The following TNRC6C variants were observed in gnomAD, a reference collection of about 807,000 sequenced individuals.
TNRC6C encodes trinucleotide repeat-containing gene 6C protein.
TNRC6C carries 20 observed loss-of-function variants against 153.7 expected under a neutral mutation model. That is an observed-to-expected ratio of 0.13 (90% CI 0.09 to 0.19). The LOEUF (loss-of-function observed/expected upper bound fraction) is 0.19, where lower values mean the gene tolerates loss of function less well. Ranked by LOEUF, TNRC6C falls within the 10% of genes least tolerant of loss-of-function variation. The pLI is 1.00. For synonymous variants in TNRC6C, 811 were observed against 841.4 expected (o/e 0.96, Z 0.63); for missense variants, 1,987 against 2,172.0 (o/e 0.91, Z 1.69).
At position 78,079,673 on chromosome 17, in the gene TNRC6C, G is replaced by T; in HGVS notation, c.3357+132G>T. ...ATCCATGTTTAAGAGAAGGCCTTCTGGTTTTTAACCTATAAATTAATTTTA... is the reference window on the plus strand; with the variant it reads ...ATCCATGTTTAAGAGAAGGCCTTCTTGTTTTTAACCTATAAATTAATTTTA... On this transcript the variant is annotated intron_variant, in intron 10 of 19. Transcript: ENST00000301624. The surrounding 1 kb of genome is among the most constrained non-coding windows in gnomAD (Gnocchi z 4.3). 1 of 1,202,588 alleles carries T rather than the reference G, an allele frequency of 8.3e-7. No individual in the cohort carries two copies. Among genetic ancestry groups the T allele is most frequent in the Non-Finnish European group, 1.1e-6 (1 of 878,698 alleles). The allele number at this position is 1,202,588 out of a possible 1,614,324, so 74.5% of individuals were successfully genotyped here.
chr17:77,984,137 T>C (rs576631853), intron 1 of TNRC6C, among the ~76,000 whole-genome samples: 2 of 152,288 alleles, frequency 1.3e-5, no homozygotes, highest in East Asian at 1.9e-4. Context: ...AGATGGGCAC[T>C]GTAGACATTT....
At chr17:78,074,878 G>A (rs72894094) in intron 7 of TNRC6C, among the ~76,000 whole-genome samples, 8,781 of 152,310 alleles carry the variant, frequency 0.058, 288 homozygotes, top group Middle Eastern at 0.088. Context: ...GAGGATAGAG[G>A]GCGGCAGGGC....
chr17:78,025,467 AC>A (rs1400501539), intron 1 of TNRC6C, among the ~76,000 whole-genome samples: 1 of 152,218 alleles, frequency 6.6e-6, no homozygotes, highest in East Asian at 1.9e-4. Flanking sequence ...GTCTGAATGC[AC>A]CAGTTTATCC....
chr17:78,092,354 A>G (rs754475470), intron 14 of TNRC6C, among the ~76,000 whole-genome samples: 1 of 152,172 alleles, frequency 6.6e-6, no homozygotes, highest in Non-Finnish European at 1.5e-5. Flanking sequence ...TTCTGTATGA[A>G]TTTTTAACAT....
At chr17:78,102,439 G>A in intron 17 of TNRC6C, 35 bp from the exon 21 acceptor site, 18 of 1,584,496 alleles carry the variant, frequency 1.1e-5, no homozygotes, top group Non-Finnish European at 1.5e-5. Flanking sequence ...ACTGGCACGG[G>A]GCCTTGTCAA....
intron 11 of TNRC6C, among the ~76,000 whole-genome samples, chr17:78,083,429 T>C (rs2073218023): frequency 6.6e-6 from 1 of 152,246 alleles, no homozygotes. Flanking sequence ...CTGGAACTCC[T>C]GGACTCAAGG....
At chr17:78,078,425 G>A (rs1330790774) in intron 9 of TNRC6C, among the ~76,000 whole-genome samples, 1 of 152,130 alleles carries the variant, frequency 6.6e-6, no homozygotes, top group African/African-American at 2.4e-5. Flanking sequence ...TTAACTACCT[G>A]AATTTGTCAG....
intron 5 of TNRC6C, among the ~76,000 whole-genome samples, chr17:78,069,316 G>A (rs959418096): frequency 6.6e-6 from 1 of 152,110 alleles, no homozygotes; most frequent in Admixed American, 6.5e-5. Flanking sequence ...GGACTCACAG[G>A]AAGGCAGTGC....
chr17:78,075,024 T>C lies in TNRC6C; in HGVS notation c.2918-112T>C. On this transcript the variant is annotated intron_variant, in intron 7 of 19. Coordinates refer to ENST00000301624, the Ensembl canonical transcript of TNRC6C. This position sits in a 1 kb window ranked among gnomAD's most constrained non-coding sequence, Gnocchi z 4.2. ...TCTCTCTGCCCCTGGCTTCCCTGTG[T>C]TTGAAGGGGTGGAGGGTCTCCATCC... The C allele has an allele frequency of 7.4e-7, 1 of 1,358,396 alleles. No individual in the cohort carries two copies. The highest frequency in any genetic ancestry group is 1.0e-6 in the Non-Finnish European group (1 of 999,552). 84.1% of individuals were successfully genotyped at this position (1,358,396 alleles called of 1,614,324 possible).
At chr17:77,971,365 G>T (rs759594072) in intron 1 of TNRC6C, among the ~76,000 whole-genome samples, 1 of 152,114 alleles carries the variant, frequency 6.6e-6, no homozygotes, top group Non-Finnish European at 1.5e-5. Flanking sequence ...CTTCTCTCAT[G>T]ATAAACTTTC....
chr17:77,967,383 T>C (rs573037876), intron 1 of TNRC6C, among the ~76,000 whole-genome samples: 10 of 151,712 alleles, frequency 6.6e-5, no homozygotes, highest in African/African-American at 1.5e-4. Flanking sequence ...TTCAGAGATA[T>C]TGCTTCCACA....
intron 2 of TNRC6C, among the ~76,000 whole-genome samples, chr17:78,039,390 T>C (rs1345696486): frequency 6.7e-6 from 1 of 149,488 alleles, no homozygotes; most frequent in Non-Finnish European, 1.5e-5. Flanking sequence ...GTCACCCACG[T>C]TGGCCTGGGC....
At chr17:78,006,529 T>C (rs1038673533) in intron 1 of TNRC6C, among the ~76,000 whole-genome samples, 1 of 141,630 alleles carries the variant, frequency 7.1e-6, no homozygotes, top group Non-Finnish European at 1.5e-5. Flanking sequence ...CTTCTTCTTC[T>C]TCTTCTTCTT....
intron 1 of TNRC6C, among the ~76,000 whole-genome samples, chr17:77,996,482 C>CT (rs1347428338): frequency 6.6e-6 from 1 of 152,184 alleles, no homozygotes; most frequent in Non-Finnish European, 1.5e-5. Flanking sequence ...CTCCAGGTGT[C>CT]TGCCACTTCA....
At chr17:77,980,595 C>T (rs2071061576) in intron 1 of TNRC6C, among the ~76,000 whole-genome samples, 1 of 152,150 alleles carries the variant, frequency 6.6e-6, no homozygotes, top group Non-Finnish European at 1.5e-5. Flanking sequence ...TCCATTTCAA[C>T]ATTATCTACC....
chr17:77,967,235 T>G (rs919457308), intron 1 of TNRC6C, among the ~76,000 whole-genome samples: 3 of 152,132 alleles, frequency 2.0e-5, no homozygotes, highest in Non-Finnish European at 4.4e-5. Flanking sequence ...ATTAATGCTT[T>G]GCAAAAAAAA....
At chr17:78,088,291 A>G (rs1336701815) in intron 13 of TNRC6C, among the ~76,000 whole-genome samples, 1 of 152,060 alleles carries the variant, frequency 6.6e-6, no homozygotes, top group Admixed American at 6.5e-5. Flanking sequence ...GTAAGACCTG[A>G]CTTAGGAATT....
At position 78,074,613 on chromosome 17, in the gene TNRC6C, A is replaced by G. The variant is rs570311826; in HGVS notation, c.2918-523A>G. ...AGAACAGAAACAGTGTCTGTTTTGC[A>G]CAGTATTGTATCCCCCACATCTGGA... On this transcript the variant is annotated intron_variant, in intron 7 of 19. Transcript: ENST00000301624. 2.6e-5 allele frequency among the ~76,000 whole-genome samples: 4 copies of G among 152,350 alleles called. No individual in the cohort carries two copies. In the South Asian group the frequency reaches 8.3e-4, roughly 32 times the overall value.
At chr17:78,088,959 CTTTTTTTTTTTTTTT>C (rs59304499) in intron 13 of TNRC6C, among the ~76,000 whole-genome samples, 17,888 of 87,560 alleles carry the variant, frequency 0.2, 1,637 homozygotes, top group African/African-American at 0.34. Context: ...CTTATCGTTA[CTTTTTTTTTTTTTTT>C]TTTTTTTTTT....
Sources: allele counts gnomAD v4.1 joint callset (sites outside exome capture counted in the v4.1 genomes callset), GRCh38; gene constraint gnomAD v4.1.1; non-coding constraint Gnocchi (gnomAD v3.1); transcripts MANE v1.5; gene names NCBI Gene and HGNC (gene_info 2026-07-23, HGNC 2026-07-21).